The following DYNC2H1 variants were observed in gnomAD, a reference collection of about 807,000 sequenced individuals.
DYNC2H1 encodes the protein cytoplasmic dynein 2 heavy chain 1.
DYNC2H1 carries 410 observed loss-of-function variants against 570.0 expected under a neutral mutation model. The observed-to-expected ratio is 0.72, with a 90% CI of 0.66 to 0.78. The LOEUF (loss-of-function observed/expected upper bound fraction) is 0.78, where lower values mean the gene tolerates loss of function less well. Ranked by LOEUF, DYNC2H1 falls within the 30% of genes least tolerant of loss-of-function variation. DYNC2H1 has a pLI of 0.00. For missense variants in DYNC2H1, 4,865 were observed against 5,046.4 expected, an observed-to-expected ratio of 0.96 and a Z score of 1.09; for synonymous variants, 1,688 against 1,677.6, an observed-to-expected ratio of 1.01 and a Z score of -0.15.
In DYNC2H1 at chr11:103,189,721, C is replaced by T; in HGVS notation, c.7342C>T (p.Pro2448Ser). The T allele has an allele frequency of 6.2e-7, 1 of 1,612,764 alleles. No individual in the cohort carries two copies. The change falls in exon 45 of 89, where the codon CCA (proline) becomes TCA (serine). Residue 2448 changes from proline to serine, a missense_variant. Around this residue, in one of 5 missense-constraint regions of DYNC2H1, gnomAD observed 2,401 missense variants for 2,454.6 expected, o/e 0.98. Coordinates refer to ENST00000375735, the MANE Select transcript of DYNC2H1 (RefSeq NM_001377.3). The surrounding 1 kb of genome is among the most constrained non-coding windows in gnomAD (Gnocchi z 4.3). ...LQTIYGAYLE[P>S]VLHKNLKNHS... is the part of the protein sequence containing the mutation. ...AACGATTTATGGAGCATATTTGGAA[C>T]CAGTTCTACATAAAAATCTGAAGAA...
At chr11:103,286,433 C>T in intron 74 of DYNC2H1, 47 bp downstream of exon 74, 1 of 1,587,596 alleles carries the variant, frequency 6.3e-7, no homozygotes, top group Non-Finnish European at 8.6e-7. Context: ...TAATGTTTCT[C>T]TTATTATTCA....
intron 17 of DYNC2H1, among the ~76,000 whole-genome samples, chr11:103,138,733 G>T (rs1040064081): frequency 3.3e-5 from 5 of 152,212 alleles, no homozygotes; most frequent in African/African-American, 1.2e-4. Flanking sequence ...CTCATAAAAT[G>T]AGTTAGGGAG....
At position 103,192,270 on chromosome 11, in the gene DYNC2H1, G is replaced by A. The variant is rs553141623; in HGVS notation, c.7708+6G>A. 1.7e-5 allele frequency: 25 copies of A among 1,499,818 alleles called. No individual in the cohort carries two copies. Among genetic ancestry groups the A allele is most frequent in the Non-Finnish European group, 2.2e-5 (24 of 1,112,666 alleles). 92.9% of individuals were successfully genotyped at this position (1,499,818 alleles called of 1,614,324 possible). A position where few individuals can be genotyped will look rare whatever the true frequency, so the allele number is the denominator to read the frequency against. On this transcript the variant is annotated splice_donor_region_variant and intron_variant, in intron 47 of 88. Coordinates refer to ENST00000375735, the MANE Select transcript of DYNC2H1 (RefSeq NM_001377.3). The stretch of plus-strand genomic sequence containing the variant: ...CATATTAGACAATATGTCAGGTAAG[G>A]TAATAGAGCTTATGCAAATACATAA...
At chr11:103,235,550 C>A in intron 61 of DYNC2H1, 122 bp from the exon 62 acceptor site, 2 of 843,752 alleles carry the variant, frequency 2.4e-6, no homozygotes, top group South Asian at 3.8e-5. Flanking sequence ...TTGACTGTTA[C>A]ATTCAAAACA....
chr11:103,263,044 A>AAAAAC (rs1865370855), intron 70 of DYNC2H1, among the ~76,000 whole-genome samples: 1 of 149,072 alleles, frequency 6.7e-6, no homozygotes, highest in Non-Finnish European at 1.5e-5. Flanking sequence ...AAAAAAAAAA[A>AAAAAC]AAGCAGGGTT....
Position 103,312,033 on chromosome 11 carries a change from G to A in DYNC2H1, c.11649G>A (p.Gln3883=). 1.9e-6 allele frequency: 3 copies of A among 1,604,540 alleles called. No individual in the cohort carries two copies. The highest frequency in any genetic ancestry group is 1.7e-6 in the Non-Finnish European group (2 of 1,177,452). Residue 3883 remains glutamine (Q), a splice_region_variant and synonymous_variant, in exon 79 of 89, where the codon CAG becomes CAA. Coordinates refer to ENST00000375735, the MANE Select transcript of DYNC2H1 (RefSeq NM_001377.3). Reference sequence around the variant, plus strand: ...AAGAAAGAAGAAACTATATTCCTCAGGTAAGTAAGAACATGTCTTGAATAC... The same window carrying A: ...AAGAAAGAAGAAACTATATTCCTCAAGTAAGTAAGAACATGTCTTGAATAC... ...ACQERRNYIP[Q]GWTKFYEFSL...
At chr11:103,355,455 T>G (rs900272575) in intron 82 of DYNC2H1, among the ~76,000 whole-genome samples, 23 of 152,070 alleles carry the variant, frequency 1.5e-4, no homozygotes, top group Non-Finnish European at 2.9e-5. Context: ...TTATGCCAAA[T>G]AGGACAAAAC....
In DYNC2H1 at chr11:103,407,735, C is replaced by G. The variant is rs116273187; in HGVS notation, c.12366+7863C>G. 8 of 151,946 alleles carry G rather than the reference C, an allele frequency of 5.3e-5. No homozygotes were observed. In the South Asian group the frequency reaches 8.3e-4, roughly 16 times the overall value. The allele number at this position is 151,946 out of a possible 1,614,324, so 9.4% of individuals were successfully genotyped here. On this transcript the variant is annotated intron_variant, in intron 84 of 88. Coordinates refer to ENST00000375735, the MANE Select transcript of DYNC2H1 (RefSeq NM_001377.3). Reference sequence around the variant, plus strand: ...GCTATAAAGAAGAGGGCAAATGAACCTGCAGCATATTTGATGTTGAAGCCT... The same window carrying G: ...GCTATAAAGAAGAGGGCAAATGAACGTGCAGCATATTTGATGTTGAAGCCT...
chr11:103,156,957 T>C (rs1412168458), intron 26 of DYNC2H1, among the ~76,000 whole-genome samples, 187 bp downstream of exon 26: 3 of 152,218 alleles, frequency 2.0e-5, no homozygotes, highest in Admixed American at 2.0e-4. Context: ...TGAACCATTA[T>C]GGTGTGGTCT....
rs183555013 is a variant in DYNC2H1 at position 103,236,285 on chromosome 11, G to A, written c.9710-145G>A. 3.8e-5 allele frequency: 21 copies of A among 558,016 alleles called. No homozygotes were observed. The highest frequency in any genetic ancestry group is 5.1e-5 in the Non-Finnish European group (16 of 314,816). The allele number at this position is 558,016 out of a possible 1,614,324, so 34.6% of individuals were successfully genotyped here. ...GTTTTTGTTTTAGACTTTTTTCTCC[G>A]TGGGTTTGGGTGTTAAATGTGGAAG... On this transcript the variant is annotated intron_variant, in intron 62 of 88. Transcript: ENST00000375735.
At chr11:103,111,696 T>G (rs1381827160) in intron 1 of DYNC2H1, among the ~76,000 whole-genome samples, 4 of 152,218 alleles carry the variant, frequency 2.6e-5, no homozygotes, top group African/African-American at 9.7e-5. Flanking sequence ...AGAACTTTTT[T>G]TTTTTAAGTT....
intron 82 of DYNC2H1, among the ~76,000 whole-genome samples, chr11:103,354,132 G>A (rs891086078): frequency 1.4e-5 from 2 of 145,336 alleles, no homozygotes; most frequent in African/African-American, 5.2e-5. Flanking sequence ...AGCTGAGATC[G>A]CGCCACCGTA....
At chr11:103,207,222 T>C (rs1246874223) in intron 52 of DYNC2H1, among the ~76,000 whole-genome samples, 2 of 80,902 alleles carry the variant, frequency 2.5e-5, no homozygotes, top group Non-Finnish European at 4.4e-5. Flanking sequence ...TGCCTGGGCC[T>C]GTTTTTTTTT....
chr11:103,216,559 A>C (rs1863391995), intron 55 of DYNC2H1, among the ~76,000 whole-genome samples: 1 of 152,100 alleles, frequency 6.6e-6, no homozygotes, highest in South Asian at 2.1e-4. Flanking sequence ...TGGGAAGCCG[A>C]GTGGGAAGAT....
At chr11:103,469,397 T>C (rs1036214441) in intron 88 of DYNC2H1, among the ~76,000 whole-genome samples, 12 of 152,348 alleles carry the variant, frequency 7.9e-5, no homozygotes, top group Admixed American at 3.3e-4. Context: ...CACATATGAC[T>C]ACATGTGAAT....
chr11:103,166,503 T>G (rs1203826123), intron 31 of DYNC2H1, among the ~76,000 whole-genome samples: 1 of 152,188 alleles, frequency 6.6e-6, no homozygotes, highest in Non-Finnish European at 1.5e-5. Context: ...TTAGTGTTTC[T>G]TTTGGAGAAG....
intron 19 of DYNC2H1, 35 bp downstream of exon 19, chr11:103,147,922 T>C (rs1860328187): frequency 7.1e-7 from 1 of 1,414,604 alleles, no homozygotes; most frequent in South Asian, 1.2e-5. Flanking sequence ...TTTTACTTAA[T>C]TTGATATGTA....
rs1864130059 is a variant in DYNC2H1 at position 103,234,120 on chromosome 11, T to C, written c.9527T>C (p.Ile3176Thr). ...ACAATCAAAGCTGCAGAAGTCTTAA[T>C]TAATCAGCTTGACAGAGAACATAAG... ...QETIKAAEVL[I>T]NQLDREHKRW... Residue 3176 changes from isoleucine to threonine, a missense_variant, in exon 61 of 89, where the codon ATT (isoleucine) becomes ACT (threonine). Physicochemically the swap from Ile to Thr is moderately conservative, Grantham distance 89. Around this residue, in one of 5 missense-constraint regions of DYNC2H1, gnomAD observed 2,401 missense variants for 2,454.6 expected, o/e 0.98. Coordinates refer to ENST00000375735, the MANE Select transcript of DYNC2H1 (RefSeq NM_001377.3). 1 of 1,578,492 alleles carries C rather than the reference T, an allele frequency of 6.3e-7. No individual in the cohort carries two copies. The highest frequency in any genetic ancestry group is 1.8e-5 in the Admixed American group (1 of 54,882).
intron 84 of DYNC2H1, among the ~76,000 whole-genome samples, chr11:103,416,518 C>A (rs1043703774): frequency 6.6e-6 from 1 of 152,114 alleles, no homozygotes; most frequent in Non-Finnish European, 1.5e-5. Context: ...TATCTACAAC[C>A]ATCTGATGTT....
Sources: allele counts gnomAD v4.1 joint callset (sites outside exome capture counted in the v4.1 genomes callset), GRCh38; gene constraint gnomAD v4.1.1; regional missense constraint gnomAD v4.1.1; non-coding constraint Gnocchi (gnomAD v3.1); transcripts MANE v1.5; gene names NCBI Gene and HGNC (gene_info 2026-07-23, HGNC 2026-07-21).